ZBTB40: variants seen among roughly 807,000 people sequenced by gnomAD.
ZBTB40 encodes zinc finger and BTB domain-containing protein 40.
A neutral mutation model predicts 117.5 loss-of-function variants in ZBTB40; 60 were observed. The ratio of observed to expected loss-of-function variants is 0.51; its 90% CI spans 0.41 to 0.63. The LOEUF is 0.63. Ranked by LOEUF, ZBTB40 falls within the 30% of genes least tolerant of loss-of-function variation. The pLI is 0.00. For synonymous variants in ZBTB40, 525 were observed against 577.1 expected, an observed-to-expected ratio of 0.91 and a Z score of 1.29; for missense variants, 1,287 against 1,498.5, an observed-to-expected ratio of 0.86 and a Z score of 2.33.
rs1188533392 is a variant in ZBTB40, at chr1:22,526,261, C to T, written c.3585C>T (p.Thr1195=). 1 of 1,614,056 alleles carries T rather than the reference C, an allele frequency of 6.2e-7. No homozygotes were observed. Among genetic ancestry groups the T allele is most frequent in the African/African-American group, 1.3e-5 (1 of 74,918 alleles). The change falls in exon 18 of 18, where the codon ACC becomes ACT. Residue 1195 remains threonine (T), a synonymous_variant. Transcript: ENST00000375647. ...AGCAGGTGATCACTTTGGAGGAGAC[C>T]CAGCTTGCCGGGTCGCAGGTGTTTG... ...PTEQVITLEE[T]QLAGSQVFVT... is the part of the protein sequence containing the mutation.
chr1:22,490,837 C>T (rs1638609719), intron 2 of ZBTB40, among the ~76,000 whole-genome samples, 192 bp downstream of exon 2: 1 of 152,170 alleles, frequency 6.6e-6, no homozygotes, highest in African/African-American at 2.4e-5. Context: ...AACTACAGAG[C>T]AGAAAAGCAG....
Position 22,531,079 on chromosome 1 carries a change from T to C in ZBTB40, c.*4683T>C, listed in dbSNP as rs1030974365. ...GTGCTTGCCCTACAGAATTGTAGTA[T>C]GAATTAAAAGTCTGGATTTAATGTA... On this transcript the variant is annotated 3_prime_UTR_variant, in exon 18 of 18. Coordinates refer to ENST00000375647, the MANE Select transcript of ZBTB40 (RefSeq NM_014870.4). 1.3e-5 allele frequency: 2 copies of C among 152,220 alleles called. No individual in the cohort carries two copies. Among genetic ancestry groups the C allele is most frequent in the Admixed American group, 1.3e-4 (2 of 15,284 alleles). 9.4% of individuals were successfully genotyped at this position (152,220 alleles called of 1,614,324 possible).
chr1:22,449,218 C>T (rs928064738), upstream of ZBTB40, among the ~76,000 whole-genome samples: 19 of 152,228 alleles, frequency 1.2e-4, no homozygotes, highest in African/African-American at 3.1e-4. Flanking sequence ...AGAGGCACCT[C>T]GGGCATCTTA....
chr1:22,527,805 C>T lies in ZBTB40; in HGVS notation c.*1409C>T, dbSNP rs1330994780. 6.6e-6 allele frequency: 1 copy of T among 152,438 alleles called. No homozygotes were observed. Among genetic ancestry groups the T allele is most frequent in the Non-Finnish European group, 1.5e-5 (1 of 68,066 alleles). 9.4% of individuals were successfully genotyped at this position (152,438 alleles called of 1,614,324 possible). On this transcript the variant is annotated 3_prime_UTR_variant, in exon 18 of 18. Transcript: ENST00000375647. ...ATTGCTCCCACATGGTCAGGTCTCA[C>T]CCTGCTTGAAGCGCAGAAGGCACAG... is the stretch of plus-strand genomic sequence containing the variant.
At chr1:22,481,787 CAAAA>C (rs766474050) in intron 1 of ZBTB40, among the ~76,000 whole-genome samples, 8 of 64,302 alleles carry the variant, frequency 1.2e-4, no homozygotes, top group South Asian at 1.0e-3. Context: ...CTTGTTTTAC[CAAAA>C]AAAAAAAAAA....
intron 1 of ZBTB40, among the ~76,000 whole-genome samples, chr1:22,466,724 A>T (rs1157178635): frequency 6.6e-6 from 1 of 151,466 alleles, no homozygotes; most frequent in Non-Finnish European, 1.5e-5. Flanking sequence ...TGCCCATTTT[A>T]AAATTGGCTT....
intron 1 of ZBTB40, among the ~76,000 whole-genome samples, chr1:22,437,172 A>C (rs1051919556): frequency 2.6e-5 from 4 of 152,178 alleles, no homozygotes; most frequent in Admixed American, 6.6e-5. Flanking sequence ...TCATAGGGCA[A>C]ATTACTGCCC....
rs750642267 is a variant in ZBTB40, at chr1:22,526,901, G to A, written c.*505G>A. ...CGGGGACCTTAGGCCCCTTCCTGAG[G>A]CACACTTGGCCCCTTCCTCGGTCCT... is the stretch of plus-strand genomic sequence containing the variant. On this transcript the variant is annotated 3_prime_UTR_variant, in exon 18 of 18. Transcript: ENST00000375647. 9 of 241,654 alleles carry A rather than the reference G, an allele frequency of 3.7e-5. No homozygotes were observed. Among genetic ancestry groups the A allele is most frequent in the African/African-American group, 6.7e-5 (3 of 44,556 alleles). The allele number at this position is 241,654 out of a possible 1,614,324, so 15.0% of individuals were successfully genotyped here.
chr1:22,521,689 G>A, intron 15 of ZBTB40, 31 bp downstream of exon 15: 1 of 1,614,184 alleles, frequency 6.2e-7, no homozygotes. Context: ...GCAGAGAGCG[G>A]GAGGGGCTTG....
At chr1:22,434,078 A>G (rs1223944226) in intron 1 of ZBTB40, among the ~76,000 whole-genome samples, 1 of 152,240 alleles carries the variant, frequency 6.6e-6, no homozygotes, top group Non-Finnish European at 1.5e-5. Context: ...CATTTCAACC[A>G]GCAATGGATG....
At chr1:22,454,474 G>A (rs1045149938) in intron 1 of ZBTB40, among the ~76,000 whole-genome samples, 6 of 152,302 alleles carry the variant, frequency 3.9e-5, no homozygotes, top group African/African-American at 1.4e-4. Flanking sequence ...TTTTTATCTG[G>A]GTGGTCAGGG....
rs757275004 is a variant in ZBTB40, at chr1:22,530,720, G to C, written c.*4324G>C. 1 of 152,342 alleles carries C rather than the reference G, an allele frequency of 6.6e-6. No individual in the cohort carries two copies. The highest frequency in any genetic ancestry group is 1.5e-5 in the Non-Finnish European group (1 of 68,052). 9.4% of individuals were successfully genotyped at this position (152,342 alleles called of 1,614,324 possible). ...AGGCTACATGAGTTTCAAATGGACT[G>C]TGATGTTATAGACCTGCTTTCTCTT... is the stretch of plus-strand genomic sequence containing the variant. On this transcript the variant is annotated 3_prime_UTR_variant, in exon 18 of 18. Coordinates refer to ENST00000375647, the MANE Select transcript of ZBTB40 (RefSeq NM_014870.4).
At chr1:22,431,250 A>C (rs1162536063) in intron 1 of ZBTB40, among the ~76,000 whole-genome samples, 26 of 147,728 alleles carry the variant, frequency 1.8e-4, no homozygotes, top group African/African-American at 5.9e-4. Flanking sequence ...GTATGCATAT[A>C]CAATATTGTA....
At chr1:22,467,244 G>GTA (rs1442992148) in intron 1 of ZBTB40, among the ~76,000 whole-genome samples, 1 of 151,914 alleles carries the variant, frequency 6.6e-6, no homozygotes, top group African/African-American at 2.4e-5. Flanking sequence ...TATACAGCTT[G>GTA]TATATAAAGT....
intron 1 of ZBTB40, among the ~76,000 whole-genome samples, chr1:22,460,550 G>A (rs1035442820): frequency 1.3e-5 from 2 of 151,954 alleles, no homozygotes; most frequent in African/African-American, 4.8e-5. Flanking sequence ...TAAGCAATAG[G>A]TATTATTACT....
chr1:22,465,273 G>A (rs959553157), intron 1 of ZBTB40, among the ~76,000 whole-genome samples: 8 of 152,204 alleles, frequency 5.3e-5, no homozygotes, highest in East Asian at 1.9e-4. Flanking sequence ...TCCTCTCTGC[G>A]GGCAGGTCAT....
At chr1:22,519,950 G>A (rs1442958070) in intron 13 of ZBTB40, 111 bp from the exon 14 acceptor site, 1 of 966,930 alleles carries the variant, frequency 1.0e-6, no homozygotes, top group African/African-American at 1.6e-5. Context: ...ACGTAAAGCA[G>A]AGTCTTCACA....
At chr1:22,488,784 G>T (rs1208274405) in intron 1 of ZBTB40, among the ~76,000 whole-genome samples, 1 of 152,172 alleles carries the variant, frequency 6.6e-6, no homozygotes, top group African/African-American at 2.4e-5. Context: ...TCCGCCTACT[G>T]GGTTGAAGAT....
chr1:22,431,245 CATA>C (rs1640576779), intron 1 of ZBTB40, among the ~76,000 whole-genome samples: 26 of 90,780 alleles, frequency 2.9e-4, no homozygotes, highest in African/African-American at 2.2e-3. Context: ...ATATAGTATG[CATA>C]TACAATATTG....
Sources: allele counts gnomAD v4.1 joint callset (sites outside exome capture counted in the v4.1 genomes callset), GRCh38; gene constraint gnomAD v4.1.1; transcripts MANE v1.5; gene names NCBI Gene and HGNC (gene_info 2026-07-23, HGNC 2026-07-21).